Variants in RYR3 observed in about 807,000 individuals in gnomAD.
The protein encoded by RYR3 is brain ryanodine receptor-calcium release channel.
A neutral mutation model predicts 584.3 loss-of-function variants in RYR3; 207 were observed. The observed-to-expected ratio is 0.35, with a 90% CI of 0.32 to 0.40. The LOEUF (loss-of-function observed/expected upper bound fraction) is 0.40, where lower values mean the gene tolerates loss of function less well. Ranked by LOEUF, RYR3 falls within the 10% of genes least tolerant of loss-of-function variation. The pLI is 1.00. For synonymous variants in RYR3, 2,416 were observed against 2,248.5 expected, an observed-to-expected ratio of 1.07 and a Z score of -2.11; for missense variants, 5,616 against 6,089.2, an observed-to-expected ratio of 0.92 and a Z score of 2.59.
intron 19 of RYR3, among the ~76,000 whole-genome samples, chr15:33,617,157 G>A (rs1004054305): frequency 1.3e-5 from 2 of 152,210 alleles, no homozygotes; most frequent in African/African-American, 2.4e-5. Flanking sequence ...GCTCACGCCC[G>A]TAATCTCAGC....
chr15:33,809,964 G>A (rs1295475230), intron 70 of RYR3, among the ~76,000 whole-genome samples: 2 of 152,174 alleles, frequency 1.3e-5, no homozygotes, highest in African/African-American at 4.8e-5. Context: ...TTCCAAAGCA[G>A]CCCTGCTTTA....
At chr15:33,542,673 T>C (rs2055919929) in intron 7 of RYR3, among the ~76,000 whole-genome samples, 1 of 152,150 alleles carries the variant, frequency 6.6e-6, no homozygotes, top group South Asian at 2.1e-4. Flanking sequence ...ACTGTTTTAA[T>C]CCAGCACCCA....
intron 81 of RYR3, among the ~76,000 whole-genome samples, chr15:33,824,455 T>G (rs897015271): frequency 4.6e-5 from 7 of 152,246 alleles, no homozygotes; most frequent in Non-Finnish European, 1.5e-5. Context: ...GATTCAAAAC[T>G]GCTGCTTCAG....
chr15:33,846,663 C>G (rs1473042664), intron 93 of RYR3, among the ~76,000 whole-genome samples: 1 of 152,140 alleles, frequency 6.6e-6, no homozygotes, highest in Admixed American at 6.5e-5. Flanking sequence ...CTGCAGAGAC[C>G]TTATGCCCTG....
At chr15:33,544,033 A>G (rs1218891920) in intron 8 of RYR3, among the ~76,000 whole-genome samples, 1 of 152,176 alleles carries the variant, frequency 6.6e-6, no homozygotes, top group Non-Finnish European at 1.5e-5. Context: ...TTCATGTGCT[A>G]AGTAAATAAG....
chr15:33,685,264 A>G (rs1444926984), intron 38 of RYR3, among the ~76,000 whole-genome samples: 1 of 152,244 alleles, frequency 6.6e-6, no homozygotes, highest in Non-Finnish European at 1.5e-5. Flanking sequence ...TACCGAGCAA[A>G]TGGAAAGCAA....
chr15:33,842,834 A>G (rs2078459135), intron 91 of RYR3, among the ~76,000 whole-genome samples: 1 of 152,212 alleles, frequency 6.6e-6, no homozygotes, highest in East Asian at 1.9e-4. Flanking sequence ...TGGAGTGATC[A>G]CGAAAATGCA....
intron 1 of RYR3, among the ~76,000 whole-genome samples, chr15:33,362,437 G>T (rs557964263): frequency 1.3e-5 from 2 of 152,174 alleles, no homozygotes; most frequent in African/African-American, 2.4e-5. Context: ...AGCAGCAGCA[G>T]CATCAGCATC....
At chr15:33,749,620 G>A (rs903783481) in intron 55 of RYR3, among the ~76,000 whole-genome samples, 5 of 152,022 alleles carry the variant, frequency 3.3e-5, no homozygotes, top group Non-Finnish European at 7.4e-5. Context: ...TTCTTGGCCC[G>A]CACTCCCAAC....
chr15:33,572,688 C>CACACATATAT (rs368204203), intron 12 of RYR3, among the ~76,000 whole-genome samples: 1 of 131,398 alleles, frequency 7.6e-6, no homozygotes, highest in East Asian at 2.2e-4. Context: ...CACACACACA[C>CACACATATAT]ACTGGGCTGG....
chr15:33,517,238 G>A (rs767073454), intron 3 of RYR3, among the ~76,000 whole-genome samples: 38 of 152,276 alleles, frequency 2.5e-4, no homozygotes, highest in Non-Finnish European at 4.6e-4. Flanking sequence ...CGTGATCCAC[G>A]CACCTTGGCC....
intron 1 of RYR3, chr15:33,465,723 CAA>C (rs777347068): frequency 1.2e-5 from 6 of 518,952 alleles, no homozygotes; most frequent in East Asian, 1.1e-4. Flanking sequence ...ATAGTTGTGA[CAA>C]GAGATGATGG....
At chr15:33,724,687 G>T (rs895753827) in intron 45 of RYR3, among the ~76,000 whole-genome samples, 1 of 152,180 alleles carries the variant, frequency 6.6e-6, no homozygotes, top group Non-Finnish European at 1.5e-5. Context: ...GAACTAGAAA[G>T]TATGTTCTTT....
At chr15:33,743,054 T>C (rs1378780360) in intron 52 of RYR3, among the ~76,000 whole-genome samples, 1 of 152,174 alleles carries the variant, frequency 6.6e-6, no homozygotes, top group African/African-American at 2.4e-5. Flanking sequence ...GTGCCAAGGA[T>C]ATCCAGGATT....
chr15:33,766,841 C>G (rs541712409), intron 60 of RYR3, among the ~76,000 whole-genome samples: 1 of 152,336 alleles, frequency 6.6e-6, no homozygotes, highest in African/African-American at 2.4e-5. Flanking sequence ...CATTTATTGT[C>G]TTCAAACTCT....
chr15:33,624,359 G>T (rs1162104769), intron 20 of RYR3, among the ~76,000 whole-genome samples: 1 of 152,208 alleles, frequency 6.6e-6, no homozygotes, highest in Non-Finnish European at 1.5e-5. Context: ...ATGCAAAATG[G>T]ACAGTATGCA....
chr15:33,730,956 G>A (rs1268337448), intron 47 of RYR3, among the ~76,000 whole-genome samples: 1 of 152,240 alleles, frequency 6.6e-6, no homozygotes, highest in African/African-American at 2.4e-5. Flanking sequence ...AGGAGTCAGA[G>A]TTCCACTTTC....
intron 100 of RYR3, among the ~76,000 whole-genome samples, chr15:33,860,168 G>C (rs905193536): frequency 1.3e-5 from 2 of 152,218 alleles, no homozygotes; most frequent in South Asian, 2.1e-4. Flanking sequence ...TTTAGCTTGA[G>C]TCATGCTGAG....
intron 53 of RYR3, among the ~76,000 whole-genome samples, chr15:33,747,479 C>T (rs563163161): frequency 2.5e-4 from 30 of 121,242 alleles, no homozygotes; most frequent in African/African-American, 8.8e-4. Flanking sequence ...GGCTAGAGTG[C>T]TGTGGTGCAA....
Sources: allele counts gnomAD v4.1 joint callset (sites outside exome capture counted in the v4.1 genomes callset), GRCh38; gene constraint gnomAD v4.1.1; transcripts MANE v1.5; gene names NCBI Gene and HGNC (gene_info 2026-07-23, HGNC 2026-07-21).